The following LY96 variants were observed in gnomAD, a reference collection of about 807,000 sequenced individuals.
LY96 encodes the protein myeloid differentiation protein-2.
Under a neutral mutation model 18.9 loss-of-function variants are expected in LY96, and 18 were observed. The observed-to-expected ratio is 0.95, with a 90% confidence interval of 0.66 to 1.41. The LOEUF is 1.41. Ranked by LOEUF, LY96 falls within the 40% of genes most tolerant of loss-of-function variation. LY96 has a pLI of 0.00. For synonymous variants in LY96, 66 were observed against 62.6 expected (o/e 1.06, Z -0.26); for missense variants, 175 against 182.4 (o/e 0.96, Z 0.23).
At chr8:74,020,351 C>A (rs954384349) in intron 3 of LY96, among the ~76,000 whole-genome samples, 1 of 152,122 alleles carries the variant, frequency 6.6e-6, no homozygotes, top group South Asian at 2.1e-4. Flanking sequence ...ATCTAGGAAT[C>A]CAACTTACAA....
the LY96 span, among the ~76,000 whole-genome samples, chr8:74,063,667 C>A: frequency 6.6e-6 from 1 of 151,260 alleles, no homozygotes; most frequent in Non-Finnish European, 1.5e-5. Context: ...TTATTTAGAT[C>A]TATGATGCAC....
At chr8:74,034,214 A>G in the LY96 span, among the ~76,000 whole-genome samples, 1 of 152,172 alleles carries the variant, frequency 6.6e-6, no homozygotes, top group Non-Finnish European at 1.5e-5. Flanking sequence ...CTACTAGAAA[A>G]TACAAAAATT....
intron 3 of LY96, among the ~76,000 whole-genome samples, chr8:74,018,406 C>A (rs1300728618): frequency 4.6e-5 from 7 of 152,080 alleles, no homozygotes; most frequent in Non-Finnish European, 8.8e-5. Flanking sequence ...AATACAGGAG[C>A]ACCCAGATTC....
At chr8:74,057,371 A>T in the LY96 span, among the ~76,000 whole-genome samples, 1 of 152,204 alleles carries the variant, frequency 6.6e-6, no homozygotes, top group Non-Finnish European at 1.5e-5. Context: ...CAAATGGCAA[A>T]CATACAGGGA....
At chr8:73,995,552 G>A (rs1423292706) in intron 1 of LY96, among the ~76,000 whole-genome samples, 2 of 152,152 alleles carry the variant, frequency 1.3e-5, no homozygotes, top group African/African-American at 2.4e-5. Context: ...GAATGGGGAC[G>A]AGAGGAATGA....
chr8:74,019,176 C>T (rs1279173692), intron 3 of LY96, among the ~76,000 whole-genome samples: 1 of 151,774 alleles, frequency 6.6e-6, no homozygotes, highest in Non-Finnish European at 1.5e-5. Flanking sequence ...AGATTGCTAG[C>T]AAGACTAATG....
chr8:74,077,494 G>A, the LY96 span, among the ~76,000 whole-genome samples: 4 of 152,088 alleles, frequency 2.6e-5, no homozygotes, highest in Non-Finnish European at 5.9e-5. Flanking sequence ...AGAATAAGGT[G>A]CCTAGGGATT....
At chr8:74,016,362 C>T (rs1816642311) in intron 3 of LY96, among the ~76,000 whole-genome samples, 1 of 152,228 alleles carries the variant, frequency 6.6e-6, no homozygotes, top group African/African-American at 2.4e-5. Flanking sequence ...GGCCTGAAAG[C>T]TCGAACTGGG....
At chr8:74,012,126 T>C (rs1816545342) in intron 3 of LY96, among the ~76,000 whole-genome samples, 2 of 152,172 alleles carry the variant, frequency 1.3e-5, no homozygotes, top group African/African-American at 4.8e-5. Context: ...GAAAGCAATA[T>C]GGAGATTTAT....
In LY96 at chr8:74,020,425, C is replaced by T. The variant is rs577073376; in HGVS notation, c.332-6364C>T. The stretch of plus-strand genomic sequence containing the variant: ...CTGCCCAACGAAATAAAAGAGGACA[C>T]AAACAAATGGAAGAACATTCCATGC... On this transcript the variant is annotated intron_variant, in intron 3 of 4. Transcript: ENST00000284818. 3.5e-4 allele frequency among the ~76,000 whole-genome samples: 54 copies of T among 152,246 alleles called. 1 individual carries two copies. The highest frequency in any genetic ancestry group is 6.3e-4 in the Non-Finnish European group (43 of 68,016).
chr8:73,994,167 T>A (rs1363772516), intron 1 of LY96, among the ~76,000 whole-genome samples: 1 of 152,104 alleles, frequency 6.6e-6, no homozygotes, highest in Admixed American at 6.5e-5. Context: ...TTTGACTTTA[T>A]GAAGGAGGAT....
At chr8:74,014,402 A>G (rs1816597674) in intron 3 of LY96, among the ~76,000 whole-genome samples, 1 of 151,532 alleles carries the variant, frequency 6.6e-6, no homozygotes, top group African/African-American at 2.4e-5. Context: ...AAGAAAAAAA[A>G]AAAAGCACCA....
the LY96 span, among the ~76,000 whole-genome samples, chr8:74,068,072 A>G: frequency 7.5e-6 from 1 of 132,712 alleles, no homozygotes; most frequent in Non-Finnish European, 1.5e-5. Context: ...AAAAAAAAAA[A>G]AAAAAAAAAA....
At chr8:74,058,562 C>T in the LY96 span, among the ~76,000 whole-genome samples, 1 of 151,320 alleles carries the variant, frequency 6.6e-6, no homozygotes, top group South Asian at 2.1e-4. Flanking sequence ...CTTTGTCACC[C>T]AAGCTGGAAG....
chr8:74,095,660 C>A, the LY96 span, among the ~76,000 whole-genome samples: 1 of 152,216 alleles, frequency 6.6e-6, no homozygotes, highest in Non-Finnish European at 1.5e-5. Context: ...ACTTCCAAGA[C>A]TCTGCACTTT....
At chr8:74,083,894 C>A in the LY96 span, among the ~76,000 whole-genome samples, 1 of 151,708 alleles carries the variant, frequency 6.6e-6, no homozygotes, top group Non-Finnish European at 1.5e-5. Flanking sequence ...ACTATGTTGT[C>A]GAGGCTTGTC....
downstream of LY96, among the ~76,000 whole-genome samples, chr8:74,033,527 C>T (rs1817003445): frequency 1.3e-5 from 2 of 152,194 alleles, no homozygotes; most frequent in South Asian, 4.1e-4. Context: ...GAGGAGAATA[C>T]TTATGAGCAG....
chr8:74,048,348 A>G, the LY96 span, among the ~76,000 whole-genome samples: 1 of 150,052 alleles, frequency 6.7e-6, no homozygotes, highest in African/African-American at 2.5e-5. Flanking sequence ...TGCAACCTCC[A>G]CCTCCCAGGT....
the LY96 span, among the ~76,000 whole-genome samples, chr8:74,076,296 G>C: frequency 6.6e-6 from 1 of 151,696 alleles, no homozygotes; most frequent in Non-Finnish European, 1.5e-5. Flanking sequence ...CAAATGCCAA[G>C]GATTCCTGAT....
Sources: gnomAD v4.1 joint callset for allele counts (sites outside exome capture counted in the v4.1 genomes callset) on GRCh38, gnomAD v4.1.1 for gene constraint, MANE v1.5 for transcripts, NCBI Gene and HGNC (gene_info 2026-07-23, HGNC 2026-07-21) for gene names.